Variants in ZHX2 observed in about 807,000 individuals in gnomAD.
The protein encoded by ZHX2 is zinc fingers and homeoboxes protein 2.
ZHX2 carries 6 observed loss-of-function variants against 21.9 expected under a neutral mutation model. The ratio of observed to expected loss-of-function variants is 0.27; its 90% CI spans 0.15 to 0.54. The LOEUF (loss-of-function observed/expected upper bound fraction) is 0.54, where lower values mean the gene tolerates loss of function less well. ZHX2 is among the 20% of genes least tolerant of loss of function. The pLI, the probability that ZHX2 is intolerant of heterozygous loss-of-function variation, is 0.95. For synonymous variants in ZHX2, 434 were observed against 437.1 expected, an observed-to-expected ratio of 0.99 and a Z score of 0.09; for missense variants, 908 against 1,090.7, an observed-to-expected ratio of 0.83 and a Z score of 2.36.
chr8:122,836,324 T>G (rs1818495692), intron 1 of ZHX2, among the ~76,000 whole-genome samples: 1 of 152,174 alleles, frequency 6.6e-6, no homozygotes, highest in South Asian at 2.1e-4. Context: ...CAGTGACCGA[T>G]GTGCATGCAC....
At chr8:122,895,790 A>G (rs1040629085) in intron 2 of ZHX2, among the ~76,000 whole-genome samples, 1 of 151,938 alleles carries the variant, frequency 6.6e-6, no homozygotes, top group Non-Finnish European at 1.5e-5. Context: ...GAAGAGAGGC[A>G]TATTCTGCTA....
rs553163612 is a variant in ZHX2, at chr8:122,818,309, A to AC, written c.-283+36363_-283+36364insC. Among the ~76,000 whole-genome samples, 75 of 151,578 alleles carry AC rather than the reference A, an allele frequency of 4.9e-4. No homozygotes were observed. The East Asian group carries it at 0.014, about 29-fold the overall frequency. On this transcript the variant is annotated intron_variant, in intron 1 of 3. Transcript: ENST00000314393. ...ACACTAAGGAAAATTAAAAAAAAAA[A>AC]AACAACCATTTTGCCTATAGTCATC... is the stretch of plus-strand genomic sequence containing the variant.
chr8:122,853,681 G>A (rs1028839002), intron 1 of ZHX2, among the ~76,000 whole-genome samples: 2 of 151,880 alleles, frequency 1.3e-5, no homozygotes, highest in African/African-American at 4.8e-5. Context: ...ACCCTTCTCT[G>A]GCTGGCAATT....
intron 1 of ZHX2, among the ~76,000 whole-genome samples, chr8:122,858,213 C>T (rs1819076378): frequency 6.6e-6 from 1 of 152,224 alleles, no homozygotes; most frequent in African/African-American, 2.4e-5. Flanking sequence ...CCTGGCTGCA[C>T]TCACGCCTCT....
At chr8:122,788,401 T>A (rs1382112145) in intron 1 of ZHX2, among the ~76,000 whole-genome samples, 1 of 151,882 alleles carries the variant, frequency 6.6e-6, no homozygotes, top group Non-Finnish European at 1.5e-5. Flanking sequence ...CTACAAAAAA[T>A]TTAAAAAACT....
At chr8:122,872,210 T>C (rs560115072) in intron 2 of ZHX2, among the ~76,000 whole-genome samples, 2 of 152,274 alleles carry the variant, frequency 1.3e-5, no homozygotes, top group African/African-American at 4.8e-5. Context: ...AGCTCAGAGA[T>C]AGAAGACTGC....
intron 1 of ZHX2, chr8:122,811,842 C>A (rs1817936826): frequency 6.6e-6 from 1 of 152,226 alleles, no homozygotes; most frequent in Non-Finnish European, 1.5e-5. Flanking sequence ...TAAGCACTCA[C>A]TTTGTGTATC....
intron 3 of ZHX2, among the ~76,000 whole-genome samples, chr8:122,960,558 A>C (rs1333018249): frequency 6.6e-6 from 1 of 152,112 alleles, no homozygotes; most frequent in Admixed American, 6.5e-5. Context: ...ATAAATAAGT[A>C]AATAAGAAGA....
chr8:122,832,090 G>T (rs927635255), intron 1 of ZHX2, among the ~76,000 whole-genome samples: 5 of 152,194 alleles, frequency 3.3e-5, no homozygotes, highest in Non-Finnish European at 5.9e-5. Flanking sequence ...TATAAGGAAG[G>T]TTTGAACAGT....
intron 1 of ZHX2, among the ~76,000 whole-genome samples, chr8:122,830,751 G>A (rs1335645697): frequency 1.3e-5 from 2 of 152,148 alleles, no homozygotes; most frequent in African/African-American, 4.8e-5. Context: ...GGTAATTACT[G>A]CGTGGCTCAG....
intron 1 of ZHX2, among the ~76,000 whole-genome samples, chr8:122,847,119 T>A (rs1411598805): frequency 6.6e-6 from 1 of 152,188 alleles, no homozygotes; most frequent in Non-Finnish European, 1.5e-5. Flanking sequence ...TTTCAAGTTG[T>A]GTTCCCAGAT....
At chr8:122,836,105 G>A (rs1049928378) in intron 1 of ZHX2, among the ~76,000 whole-genome samples, 1 of 152,162 alleles carries the variant, frequency 6.6e-6, no homozygotes, top group Non-Finnish European at 1.5e-5. Flanking sequence ...AATAAAAGGA[G>A]CAATTGTCAC....
intron 2 of ZHX2, among the ~76,000 whole-genome samples, chr8:122,946,886 C>G (rs1812988648): frequency 6.6e-6 from 1 of 152,024 alleles, no homozygotes; most frequent in African/African-American, 2.4e-5. Flanking sequence ...CACACACACA[C>G]ACTACTGAGC....
chr8:122,807,476 T>C (rs573185199), intron 1 of ZHX2, among the ~76,000 whole-genome samples: 42 of 152,324 alleles, frequency 2.8e-4, no homozygotes, highest in Non-Finnish European at 3.8e-4. Context: ...TCCTTTCAAA[T>C]TGAAGTGTTA....
chr8:122,828,111 C>CTAAA lies in ZHX2; in HGVS notation c.-282-35353_-282-35350dup, dbSNP rs1304326570. ...CCTGGGCGACAGTGAGACCCTGTCTCTAAATAAATAAATAAAAGAGAAAAG... is the reference window on the plus strand; with the variant it reads ...CCTGGGCGACAGTGAGACCCTGTCTCTAAATAAATAAATAAATAAAAGAGAAAAG... On this transcript the variant is annotated intron_variant, in intron 1 of 3. Coordinates refer to ENST00000314393, the MANE Select transcript of ZHX2 (RefSeq NM_014943.5). The surrounding 1 kb of genome is among the most constrained non-coding windows in gnomAD (Gnocchi z 5.2). Among the ~76,000 whole-genome samples, 2 of 151,958 alleles carry CTAAA rather than the reference C, an allele frequency of 1.3e-5. No homozygotes were observed. The highest frequency in any genetic ancestry group is 1.3e-4 in the Admixed American group (2 of 15,244).
intron 2 of ZHX2, among the ~76,000 whole-genome samples, chr8:122,885,744 A>G (rs902186364): frequency 6.6e-6 from 1 of 152,192 alleles, no homozygotes; most frequent in Non-Finnish European, 1.5e-5. Flanking sequence ...ACTAAGAGTT[A>G]TCTGGCCCAA....
chr8:122,843,396 A>T (rs972991960), intron 1 of ZHX2, among the ~76,000 whole-genome samples: 8 of 152,166 alleles, frequency 5.3e-5, no homozygotes, highest in African/African-American at 1.7e-4. Context: ...GAGTGGCTCT[A>T]TTATGGGAAT....
chr8:122,913,010 C>T (rs572546937), intron 2 of ZHX2, among the ~76,000 whole-genome samples: 7 of 152,304 alleles, frequency 4.6e-5, no homozygotes, highest in African/African-American at 1.2e-4. Context: ...AAACCCTATA[C>T]CCATTGGCAG....
intron 3 of ZHX2, among the ~76,000 whole-genome samples, chr8:122,961,988 T>A (rs1468115151): frequency 6.6e-6 from 1 of 152,124 alleles, no homozygotes; most frequent in Non-Finnish European, 1.5e-5. Flanking sequence ...TTCATGCCAG[T>A]GGGTGTTAAT....
Sources: gnomAD v4.1 joint callset for allele counts (sites outside exome capture counted in the v4.1 genomes callset) on GRCh38, gnomAD v4.1.1 for gene constraint, Gnocchi (gnomAD v3.1) non-coding constraint, MANE v1.5 for transcripts, NCBI Gene and HGNC (gene_info 2026-07-23, HGNC 2026-07-21) for gene names.